CD38: variants seen among roughly 807,000 people sequenced by gnomAD.
CD38 encodes ADP-ribosyl cyclase/cyclic ADP-ribose hydrolase 1.
In CD38, 31 loss-of-function variants were observed where a neutral mutation model predicts 36.3. That is an observed-to-expected ratio of 0.85 (90% CI 0.64 to 1.15). The LOEUF is 1.15. CD38 is among the 50% of genes most tolerant of loss of function. The pLI, the probability that CD38 is intolerant of heterozygous loss-of-function variation, is 0.00. For missense variants in CD38, 380 were observed against 371.9 expected, an observed-to-expected ratio of 1.02 and a Z score of -0.18; for synonymous variants, 131 against 135.2, an observed-to-expected ratio of 0.97 and a Z score of 0.22.
At chr4:15,784,857 A>G (rs1185981723) in intron 1 of CD38, among the ~76,000 whole-genome samples, 1 of 152,048 alleles carries the variant, frequency 6.6e-6, no homozygotes, top group Non-Finnish European at 1.5e-5. Flanking sequence ...GGGGATTGAG[A>G]CCATCCTGGC....
intron 1 of CD38, among the ~76,000 whole-genome samples, chr4:15,811,464 G>A (rs1723467351): frequency 6.6e-6 from 1 of 150,962 alleles, no homozygotes; most frequent in Non-Finnish European, 1.5e-5. Flanking sequence ...TAAAGTATGG[G>A]TCCTAATTTA....
rs1372846623 is a variant in CD38, at chr4:15,838,073, G to C, written c.586-19G>C. On this transcript the variant is annotated intron_variant, in intron 4 of 7. Transcript: ENST00000226279. ...TGATTAAGTTTGCATGATGAATGGT[G>C]GGCATTTTTTTTTTTAAGTTTGCAG... 6.3e-7 allele frequency: 1 copy of C among 1,585,868 alleles called. No individual in the cohort carries two copies. The highest frequency in any genetic ancestry group is 1.3e-5 in the African/African-American group (1 of 74,296).
intron 3 of CD38, among the ~76,000 whole-genome samples, chr4:15,832,558 T>C (rs1230934404): frequency 6.6e-6 from 1 of 152,150 alleles, no homozygotes; most frequent in Non-Finnish European, 1.5e-5. Flanking sequence ...ATTCTCTGGA[T>C]TACCAGGCAG....
chr4:15,818,580 G>A (rs192504650), intron 2 of CD38, among the ~76,000 whole-genome samples: 1 of 152,278 alleles, frequency 6.6e-6, no homozygotes, highest in Admixed American at 6.5e-5. Context: ...AACAGGGGTC[G>A]ATAGACACCT....
rs1284016013 is a variant in CD38, at chr4:15,813,465, CAT to C, written c.234-3045_234-3044del. Among the ~76,000 whole-genome samples the C allele has an allele frequency of 1.5e-4, 23 of 152,076 alleles. 1 individual carries two copies. Among genetic ancestry groups the C allele is most frequent in the Admixed American group, 1.2e-3 (19 of 15,256 alleles). ...AAATTTTACTTTAAGTTCTGGGACA[CAT>C]GTGCAGAACGTGCAGGTTTGTTACA... On this transcript the variant is annotated intron_variant, in intron 1 of 7. Transcript: ENST00000226279.
chr4:15,827,878 C>G (rs1723882936), intron 3 of CD38, among the ~76,000 whole-genome samples: 1 of 151,884 alleles, frequency 6.6e-6, no homozygotes, highest in African/African-American at 2.4e-5. Context: ...TTTCAAGTTC[C>G]TGATGTATAT....
intron 3 of CD38, among the ~76,000 whole-genome samples, chr4:15,832,229 T>C (rs114361782): frequency 0.014 from 2,066 of 152,344 alleles, 47 homozygotes; most frequent in African/African-American, 0.047. Flanking sequence ...TTTTGAATTC[T>C]CTGTCTCACA....
intron 2 of CD38, among the ~76,000 whole-genome samples, chr4:15,818,077 G>A (rs1723641615): frequency 6.6e-6 from 1 of 151,220 alleles, no homozygotes; most frequent in Non-Finnish European, 1.5e-5. Context: ...TCACTCCCAC[G>A]GAGACCAGCA....
Position 15,849,674 on chromosome 4 carries a change from A to G in CD38, c.*1072A>G, listed in dbSNP as rs377023616. On this transcript the variant is annotated 3_prime_UTR_variant, in exon 8 of 8. Transcript: ENST00000226279. The stretch of plus-strand genomic sequence containing the variant: ...GCTTTAACAATTGTATTACTTTTTC[A>G]AAGAACTAAGCTTTAGCTTCATTGA... The G allele has an allele frequency of 6.8e-4, 103 of 152,272 alleles. 1 individual carries two copies. The highest frequency in any genetic ancestry group is 2.2e-3 in the African/African-American group (91 of 41,558). The allele number at this position is 152,272 out of a possible 1,614,324, so 9.4% of individuals were successfully genotyped here.
At position 15,851,669 on chromosome 4, in the gene CD38, A is replaced by G. The variant is rs1320564943; in HGVS notation, c.*3067A>G. The G allele has an allele frequency of 6.6e-6, 1 of 152,186 alleles. No individual in the cohort carries two copies. The allele number at this position is 152,186 out of a possible 1,614,324, so 9.4% of individuals were successfully genotyped here. A position where few individuals can be genotyped will look rare whatever the true frequency, so the allele number is the denominator to read the frequency against. On this transcript the variant is annotated 3_prime_UTR_variant, in exon 8 of 8. Coordinates refer to ENST00000226279, the MANE Select transcript of CD38 (RefSeq NM_001775.4). Reference sequence around the variant, plus strand: ...TGACTGCATACACCCACACACACACACGTGCCTGTATACAGTCATATGATA... The same window carrying G: ...TGACTGCATACACCCACACACACACGCGTGCCTGTATACAGTCATATGATA...
At chr4:15,784,063 C>T (rs145316276) in intron 1 of CD38, among the ~76,000 whole-genome samples, 40 of 152,286 alleles carry the variant, frequency 2.6e-4, no homozygotes, top group African/African-American at 7.2e-4. Flanking sequence ...AACAGAGCAA[C>T]GCAACACCAT....
chr4:15,810,106 C>T (rs1723437223), intron 1 of CD38, among the ~76,000 whole-genome samples: 1 of 152,186 alleles, frequency 6.6e-6, no homozygotes. Context: ...CTTCCTAGGT[C>T]TGTTTCAACT....
chr4:15,823,313 A>C (rs1451195534), intron 2 of CD38, among the ~76,000 whole-genome samples: 1 of 152,248 alleles, frequency 6.6e-6, no homozygotes. Flanking sequence ...AAAAGCAAAA[A>C]TTGACAAATG....
At chr4:15,791,140 C>T (rs1722974314) in intron 1 of CD38, among the ~76,000 whole-genome samples, 1 of 119,374 alleles carries the variant, frequency 8.4e-6, no homozygotes, top group Non-Finnish European at 1.7e-5. Context: ...AGGAGCCCCT[C>T]TGCCCGGCCA....
chr4:15,805,443 C>T (rs1723322068), intron 1 of CD38, among the ~76,000 whole-genome samples: 1 of 152,194 alleles, frequency 6.6e-6, no homozygotes, highest in Non-Finnish European at 1.5e-5. Flanking sequence ...CCTCCTCCCC[C>T]CTCACTCTTG....
Position 15,848,540 on chromosome 4 carries a change from C to T in CD38, c.841C>T (p.Pro281Ser), listed in dbSNP as rs373569214. 3.0e-5 allele frequency: 49 copies of T among 1,610,982 alleles called. No homozygotes were observed. Among genetic ancestry groups the T allele is most frequent in the African/African-American group, 5.3e-5 (4 of 74,832 alleles). ...TCCTTTTTTGCTTTCTTGTCATAGACCTGACAAGTTTCTTCAGTGTGTGAA... is the reference window on the plus strand; with the variant it reads ...TCCTTTTTTGCTTTCTTGTCATAGATCTGACAAGTTTCTTCAGTGTGTGAA... ...IQFSCKNIYR[P>S]DKFLQCVKNP... Residue 281 changes from proline (P) to serine (S), a missense_variant and splice_region_variant, in exon 8 of 8, where the codon CCT (proline) becomes TCT (serine). By Grantham distance (74) the Pro-to-Ser change is moderately conservative. Transcript: ENST00000226279.
intron 1 of CD38, among the ~76,000 whole-genome samples, chr4:15,806,612 G>T (rs1184328794): frequency 1.3e-5 from 2 of 152,136 alleles, no homozygotes; most frequent in South Asian, 4.1e-4. Flanking sequence ...TGAGCACCTG[G>T]AGTCAATCCA....
rs1722600243 is a variant in CD38 at position 15,778,342 on chromosome 4, C to T, written c.-73C>T. The stretch of plus-strand genomic sequence containing the variant: ...GAAGGGGAGGTGCAGTTTCAGAACC[C>T]AGCCAGCCTCTCTCTTGCTGCCTAG... On this transcript the variant is annotated 5_prime_UTR_variant, in exon 1 of 8. Transcript: ENST00000226279. This position sits in a 1 kb window ranked among gnomAD's most constrained non-coding sequence, Gnocchi z 4.9. The T allele has an allele frequency of 3.0e-6, 3 of 990,304 alleles. No homozygotes were observed. Among genetic ancestry groups the T allele is most frequent in the Non-Finnish European group, 4.8e-6 (3 of 628,480 alleles). The allele number at this position is 990,304 out of a possible 1,614,324, so 61.3% of individuals were successfully genotyped here.
chr4:15,840,003 G>A lies in CD38; in HGVS notation c.660-23G>A, dbSNP rs564305624. 10 of 1,563,142 alleles carry A rather than the reference G, an allele frequency of 6.4e-6. No homozygotes were observed. In the South Asian group the frequency reaches 1.1e-4, roughly 17 times the overall value. On this transcript the variant is annotated intron_variant, in intron 5 of 7. Coordinates refer to ENST00000226279, the MANE Select transcript of CD38 (RefSeq NM_001775.4). Reference sequence around the variant, plus strand: ...CTTTCGTTTGGGGTTGATGTTTGGGGTTCTTTGTTTCTTCTATTTTAGCAC... The same window carrying A: ...CTTTCGTTTGGGGTTGATGTTTGGGATTCTTTGTTTCTTCTATTTTAGCAC...
Sources: allele counts gnomAD v4.1 joint callset (sites outside exome capture counted in the v4.1 genomes callset), GRCh38; gene constraint gnomAD v4.1.1; non-coding constraint Gnocchi (gnomAD v3.1); transcripts MANE v1.5; gene names NCBI Gene and HGNC (gene_info 2026-07-23, HGNC 2026-07-21).